The following ERCC6L2 variants were observed in gnomAD, a reference collection of about 807,000 sequenced individuals.
ERCC6L2 encodes DNA excision repair protein ERCC-6-like 2.
ERCC6L2 carries 77 observed loss-of-function variants against 132.0 expected under a neutral mutation model. That is an observed-to-expected ratio of 0.58 (90% CI 0.49 to 0.71). The LOEUF is 0.71. Among genes scored for constraint, ERCC6L2 ranks in the 30% least tolerant of loss-of-function variants. The probability of loss-of-function intolerance (pLI) is 0.00; values close to 1 mark genes in which losing one functional copy is unlikely to be tolerated. For synonymous variants in ERCC6L2, 583 were observed against 632.4 expected (o/e 0.92, Z 1.17); for missense variants, 1,542 against 1,837.6 (o/e 0.84, Z 2.94).
chr9:95,966,692 G>A lies in ERCC6L2; in HGVS notation c.2078G>A (p.Cys693Tyr). The change falls in exon 14 of 19, where the codon TGT (cysteine) becomes TAT (tyrosine). Residue 693 changes from cysteine (C) to tyrosine (Y), a missense_variant. Physicochemically the swap from Cys to Tyr is radical, Grantham distance 194. Transcript: ENST00000653738. ...TTCAAATTTAGGTCCCAAGGGTCTTGTCTTACGAAGGACATCCTGGAGGTG... is the reference window on the plus strand; with the variant it reads ...TTCAAATTTAGGTCCCAAGGGTCTTATCTTACGAAGGACATCCTGGAGGTG... Reference protein sequence around the residue: ...NLFKFRSQGSCLTKDILEREG... With the variant: ...NLFKFRSQGSYLTKDILEREG... 6.7e-7 allele frequency: 1 copy of A among 1,483,332 alleles called. No homozygotes were observed. Among genetic ancestry groups the A allele is most frequent in the Non-Finnish European group, 9.1e-7 (1 of 1,095,666 alleles). The allele number at this position is 1,483,332 out of a possible 1,614,324, so 91.9% of individuals were successfully genotyped here.
chr9:96,038,168 T>G (rs1834541059), intron 19 of ERCC6L2, among the ~76,000 whole-genome samples: 1 of 151,960 alleles, frequency 6.6e-6, no homozygotes, highest in African/African-American at 2.4e-5. Flanking sequence ...GGATTATTAT[T>G]TTGTTTTAGC....
chr9:96,038,919 G>T (rs1294309093), exon 20 of ERCC6L2: 8 of 456,308 alleles, frequency 1.8e-5, no homozygotes, highest in South Asian at 1.2e-4. Context: ...GAAGCCAGCA[G>T]CCATGTCATA....
chr9:95,999,750 T>C (rs1833594609), intron 17 of ERCC6L2, among the ~76,000 whole-genome samples: 1 of 152,138 alleles, frequency 6.6e-6, no homozygotes, highest in Non-Finnish European at 1.5e-5. Flanking sequence ...ATGATTATTT[T>C]CTTGGGGGTA....
At chr9:95,955,702 T>C (rs1831565594) in intron 12 of ERCC6L2, among the ~76,000 whole-genome samples, 1 of 152,194 alleles carries the variant, frequency 6.6e-6, no homozygotes, top group Admixed American at 6.5e-5. Flanking sequence ...TTGATACTTG[T>C]AGGTTTTCTG....
At chr9:95,964,712 G>T (rs1452151678) in intron 13 of ERCC6L2, among the ~76,000 whole-genome samples, 1 of 151,970 alleles carries the variant, frequency 6.6e-6, no homozygotes, top group Non-Finnish European at 1.5e-5. Flanking sequence ...CCCTTGTATG[G>T]GTTTTTCATA....
chr9:95,924,478 A>G (rs904470618), intron 9 of ERCC6L2, among the ~76,000 whole-genome samples: 1 of 152,004 alleles, frequency 6.6e-6, no homozygotes, highest in African/African-American at 2.4e-5. Context: ...ATTATTTTTA[A>G]ATTAAAATAT....
At chr9:96,028,471 C>T (rs1249690913) in intron 19 of ERCC6L2, among the ~76,000 whole-genome samples, 1 of 152,200 alleles carries the variant, frequency 6.6e-6, no homozygotes, top group African/African-American at 2.4e-5. Flanking sequence ...CCATGGCACA[C>T]TCTAAAATTC....
At position 95,916,161 on chromosome 9, in the gene ERCC6L2, T is replaced by TAGCA. The variant is rs1228147481; in HGVS notation, c.951-64_951-63insCAAG. On this transcript the variant is annotated intron_variant, in intron 5 of 18. Coordinates refer to ENST00000653738, the MANE Select transcript of ERCC6L2 (RefSeq NM_020207.7). ...TAATCAAGTAATGTAGTATATCTCT[T>TAGCA]AGAAGCAAGAAGTTAGTGTTTTTAG... 11 of 1,421,590 alleles carry TAGCA rather than the reference T, an allele frequency of 7.7e-6. No homozygotes were observed. In the East Asian group the frequency reaches 2.1e-4, roughly 27 times the overall value. The allele number at this position is 1,421,590 out of a possible 1,614,324, so 88.1% of individuals were successfully genotyped here. A position where few individuals can be genotyped will look rare whatever the true frequency, so the allele number is the denominator to read the frequency against.
chr9:96,012,880 A>G lies in ERCC6L2; in HGVS notation c.4330A>G (p.Ile1444Val), dbSNP rs1171555521. 7.3e-7 allele frequency: 1 copy of G among 1,367,694 alleles called. No homozygotes were observed. The highest frequency in any genetic ancestry group is 1.5e-5 in the African/African-American group (1 of 67,894). The allele number at this position is 1,367,694 out of a possible 1,614,324, so 84.7% of individuals were successfully genotyped here. ...GATAAGCTTACTTGGTGATACCTCT[A>G]TTCTTGATGACCTTTTTAAAAGTCA... ...SVISLLGDTS[I>V]LDDLFKSHGN... is the part of the protein sequence containing the mutation. Residue 1444 changes from isoleucine (I) to valine (V), a missense_variant, in exon 19 of 19, where the codon ATT (isoleucine) becomes GTT (valine). Ile to Val is a conservative substitution (Grantham distance 29). Coordinates refer to ENST00000653738, the MANE Select transcript of ERCC6L2 (RefSeq NM_020207.7).
chr9:96,004,975 C>T (rs1833817488), intron 18 of ERCC6L2: 15 of 311,108 alleles, frequency 4.8e-5, no homozygotes, highest in South Asian at 4.4e-4. Flanking sequence ...ATTTTGAGCA[C>T]CTAATATATG....
At chr9:96,010,827 G>A (rs904333105) in intron 18 of ERCC6L2, among the ~76,000 whole-genome samples, 2 of 152,140 alleles carry the variant, frequency 1.3e-5, no homozygotes, top group Non-Finnish European at 2.9e-5. Context: ...GATAGGAAAC[G>A]GAGTCTTATT....
intron 12 of ERCC6L2, among the ~76,000 whole-genome samples, chr9:95,955,314 T>A (rs1394435953): frequency 4.6e-5 from 7 of 152,214 alleles, no homozygotes; most frequent in African/African-American, 1.4e-4. Flanking sequence ...GTTGTGGTTT[T>A]TTTTACTTTT....
chr9:96,029,310 AAAAAAAAAAAAAAC>A (rs1417173501), intron 19 of ERCC6L2, among the ~76,000 whole-genome samples: 46 of 149,558 alleles, frequency 3.1e-4, no homozygotes, highest in Non-Finnish European at 6.1e-4. Flanking sequence ...TCTCAAAAAA[AAAAAAAAAAAAAAC>A]AAAAAAAAAA....
At chr9:95,979,799 G>T (rs534552527) in intron 17 of ERCC6L2, among the ~76,000 whole-genome samples, 1 of 152,278 alleles carries the variant, frequency 6.6e-6, no homozygotes, top group South Asian at 2.1e-4. Flanking sequence ...AAGACAGGCG[G>T]AATTATGTTG....
At chr9:95,995,062 G>A (rs2133170911) in intron 17 of ERCC6L2, among the ~76,000 whole-genome samples, 1 of 152,302 alleles carries the variant, frequency 6.6e-6, no homozygotes, top group South Asian at 2.1e-4. Context: ...ATGTAGCTGA[G>A]TAAATAGAAA....
intron 12 of ERCC6L2, among the ~76,000 whole-genome samples, chr9:95,945,311 G>C (rs907809020): frequency 6.6e-6 from 1 of 152,204 alleles, no homozygotes; most frequent in African/African-American, 2.4e-5. Flanking sequence ...CTGGCAGTCA[G>C]AGTTTAAGGT....
intron 19 of ERCC6L2, among the ~76,000 whole-genome samples, chr9:96,027,063 C>A (rs1005491383): frequency 7.2e-6 from 1 of 138,876 alleles, no homozygotes; most frequent in Middle Eastern, 3.9e-3. Context: ...CTACACACAC[C>A]ACACACACCA....
chr9:95,928,975 G>A (rs2274653), intron 11 of ERCC6L2, 111 bp downstream of exon 11: 126,040 of 780,886 alleles, frequency 0.16, 11,494 homozygotes, highest in East Asian at 0.31. Flanking sequence ...TTATTTAGAA[G>A]CAGCAAAAAT....
At chr9:95,880,492 T>A (rs559927491) in intron 1 of ERCC6L2, among the ~76,000 whole-genome samples, 1 of 152,258 alleles carries the variant, frequency 6.6e-6, no homozygotes, top group African/African-American at 2.4e-5. Context: ...TGGCTGTGCG[T>A]CAGAATGATC....
Sources: allele counts gnomAD v4.1 joint callset (sites outside exome capture counted in the v4.1 genomes callset), GRCh38; gene constraint gnomAD v4.1.1; transcripts MANE v1.5; gene names NCBI Gene and HGNC (gene_info 2026-07-23, HGNC 2026-07-21).